Variants in KCNH5 observed in about 807,000 individuals in gnomAD.
The protein encoded by KCNH5 is potassium voltage-gated channel subfamily H member 5.
KCNH5 carries 46 observed loss-of-function variants against 96.1 expected under a neutral mutation model. That is an observed-to-expected ratio of 0.48 (90% confidence interval 0.38 to 0.61). The LOEUF is 0.61. Ranked by LOEUF, KCNH5 falls within the 20% of genes least tolerant of loss-of-function variation. The probability of loss-of-function intolerance (pLI) is 0.00; values close to 1 mark genes in which losing one functional copy is unlikely to be tolerated. For synonymous variants in KCNH5, 439 were observed against 449.8 expected, an observed-to-expected ratio of 0.98 and a Z score of 0.30; for missense variants, 907 against 1,225.8, an observed-to-expected ratio of 0.74 and a Z score of 3.88.
intron 3 of KCNH5, among the ~76,000 whole-genome samples, chr14:63,003,557 TTA>T (rs1425221242): frequency 7.4e-4 from 84 of 114,028 alleles, no homozygotes; most frequent in Non-Finnish European, 1.3e-3. Flanking sequence ...ATAGTATATA[TTA>T]TATATATTTA....
intron 10 of KCNH5, among the ~76,000 whole-genome samples, chr14:62,739,985 T>A (rs7143144): frequency 0.03 from 4,600 of 152,182 alleles, 108 homozygotes; most frequent in African/African-American, 0.075. Context: ...TGTTTTAACA[T>A]CTGAAGCAGC....
intron 7 of KCNH5, among the ~76,000 whole-genome samples, chr14:62,875,830 A>G (rs185369806): frequency 3.9e-5 from 6 of 152,172 alleles, no homozygotes; most frequent in Admixed American, 3.9e-4. Context: ...GCCTGGTGTT[A>G]GAAATTGTCA....
intron 10 of KCNH5, among the ~76,000 whole-genome samples, chr14:62,733,608 T>A (rs541185910): frequency 6.6e-6 from 1 of 152,314 alleles, no homozygotes; most frequent in East Asian, 1.9e-4. Flanking sequence ...AACTTAGCTT[T>A]TGTGCCACTA....
chr14:62,941,131 C>G (rs532619835), intron 7 of KCNH5, among the ~76,000 whole-genome samples: 1 of 152,158 alleles, frequency 6.6e-6, no homozygotes, highest in East Asian at 1.9e-4. Flanking sequence ...TACCAGAACA[C>G]CTGGCACAAG....
chr14:62,718,878 A>C (rs1884744783), intron 10 of KCNH5, among the ~76,000 whole-genome samples: 1 of 152,334 alleles, frequency 6.6e-6, no homozygotes, highest in Non-Finnish European at 1.5e-5. Context: ...AGCCGCAAAA[A>C]GAAATACAGT....
intron 7 of KCNH5, among the ~76,000 whole-genome samples, chr14:62,888,312 T>C (rs1888638851): frequency 6.6e-6 from 1 of 152,234 alleles, no homozygotes; most frequent in Non-Finnish European, 1.5e-5. Context: ...AAAAGGTTAC[T>C]ATGAAAGGAG....
Position 63,035,046 on chromosome 14 carries a change from A to C in KCNH5, c.73+10068T>G, listed in dbSNP as rs146133536. On this transcript the variant is annotated intron_variant, in intron 1 of 10. Coordinates refer to ENST00000322893, the MANE Select transcript of KCNH5 (RefSeq NM_139318.5). The stretch of plus-strand genomic sequence containing the variant: ...CTGATATAATGATAACATTTTACTA[A>C]ATTATATTGCAATGAAATTTCTTAA... 4.0e-3 allele frequency among the ~76,000 whole-genome samples: 606 copies of C among 152,334 alleles called. 5 individuals are homozygous for C. The highest frequency in any genetic ancestry group is 0.013 in the African/African-American group (541 of 41,572).
intron 8 of KCNH5, among the ~76,000 whole-genome samples, chr14:62,812,459 T>G (rs560546433): frequency 1.3e-5 from 2 of 152,288 alleles, no homozygotes; most frequent in South Asian, 4.1e-4. Context: ...AACACAAGTT[T>G]TATTGTATAC....
chr14:62,915,186 G>C (rs77180025), intron 7 of KCNH5, among the ~76,000 whole-genome samples: 1 of 152,296 alleles, frequency 6.6e-6, no homozygotes, highest in African/African-American at 2.4e-5. Context: ...TATTTGTGTA[G>C]AACTAATTGT....
chr14:62,738,336 T>C (rs1885201589), intron 10 of KCNH5, among the ~76,000 whole-genome samples: 1 of 152,104 alleles, frequency 6.6e-6, no homozygotes, highest in Non-Finnish European at 1.5e-5. Context: ...CATTTTCAGA[T>C]TGCAGTTGAC....
intron 6 of KCNH5, among the ~76,000 whole-genome samples, chr14:62,957,933 T>C (rs751563509): frequency 1.5e-4 from 23 of 152,166 alleles, no homozygotes; most frequent in Non-Finnish European, 2.9e-4. Context: ...TAAATTATGG[T>C]GGATATTATC....
At chr14:63,014,730 C>A (rs770681956) in intron 2 of KCNH5, among the ~76,000 whole-genome samples, 2 of 152,022 alleles carry the variant, frequency 1.3e-5, no homozygotes, top group Non-Finnish European at 2.9e-5. Context: ...GAAATATACA[C>A]AAGAAACTAT....
At chr14:62,881,921 T>C (rs1473828376) in intron 7 of KCNH5, among the ~76,000 whole-genome samples, 1 of 151,918 alleles carries the variant, frequency 6.6e-6, no homozygotes, top group Non-Finnish European at 1.5e-5. Flanking sequence ...TGTCTATCAC[T>C]CTTAGAAAAC....
chr14:62,997,303 G>C (rs1176377253), intron 4 of KCNH5, among the ~76,000 whole-genome samples: 8 of 150,630 alleles, frequency 5.3e-5, no homozygotes, highest in Admixed American at 5.3e-4. Context: ...ATGGGGAGAT[G>C]GTTAATGGGT....
chr14:62,809,512 C>T (rs118088468), intron 8 of KCNH5, among the ~76,000 whole-genome samples: 4,833 of 152,084 alleles, frequency 0.032, 149 homozygotes, highest in South Asian at 0.082. Flanking sequence ...CACAGGTTAT[C>T]GTGGAACCTC....
At position 62,705,132 on chromosome 14, in the gene KCNH5, CAAT is replaced by C. The variant is rs1884406178; in HGVS notation, c.*2373_*2375del. ...CCATTATGTTTCTCACATATATGAA[CAAT>C]AACATTGTAGGTCGATTAGGTGAAA... is the stretch of plus-strand genomic sequence containing the variant. On this transcript the variant is annotated 3_prime_UTR_variant, in exon 11 of 11. Transcript: ENST00000322893. 1 of 151,944 alleles carries C rather than the reference CAAT, an allele frequency of 6.6e-6. No homozygotes were observed. Among genetic ancestry groups the C allele is most frequent in the Non-Finnish European group, 1.5e-5 (1 of 67,848 alleles). The allele number at this position is 151,944 out of a possible 1,614,324, so 9.4% of individuals were successfully genotyped here.
intron 10 of KCNH5, among the ~76,000 whole-genome samples, chr14:62,736,357 T>C (rs774572947): frequency 5.3e-5 from 8 of 151,988 alleles, no homozygotes; most frequent in East Asian, 3.9e-4. Flanking sequence ...AGGAGGAGCA[T>C]TGCTATCTTA....
chr14:62,839,136 T>C (rs1390110889), intron 8 of KCNH5, among the ~76,000 whole-genome samples: 2 of 152,192 alleles, frequency 1.3e-5, no homozygotes, highest in African/African-American at 4.8e-5. Context: ...TGTTATTATA[T>C]TGTATACTTA....
intron 8 of KCNH5, among the ~76,000 whole-genome samples, chr14:62,806,204 C>T (rs1216311235): frequency 6.6e-6 from 1 of 152,100 alleles, no homozygotes; most frequent in Admixed American, 6.6e-5. Context: ...GCATGAATAA[C>T]CCACCCCCTG....
Sources: allele counts gnomAD v4.1 joint callset (sites outside exome capture counted in the v4.1 genomes callset), GRCh38; gene constraint gnomAD v4.1.1; transcripts MANE v1.5; gene names NCBI Gene and HGNC (gene_info 2026-07-23, HGNC 2026-07-21).